Variants in ULK4 observed in about 807,000 individuals in gnomAD.
ULK4 encodes the protein inactive serine/threonine-protein kinase ULK4.
In ULK4, 133 loss-of-function variants were observed where a neutral mutation model predicts 160.6. The ratio of observed to expected loss-of-function variants is 0.83; its 90% CI spans 0.72 to 0.96. The LOEUF (loss-of-function observed/expected upper bound fraction) is 0.96, where lower values mean the gene tolerates loss of function less well. ULK4 is among the 40% of genes least tolerant of loss of function. ULK4 has a pLI of 0.00. For synonymous variants in ULK4, 534 were observed against 539.8 expected (o/e 0.99, Z 0.15); for missense variants, 1,580 against 1,499.5 (o/e 1.05, Z -0.89).
chr3:41,311,196 C>G lies in ULK4; in HGVS notation c.3679-61622G>C, dbSNP rs528447714. On this transcript the variant is annotated intron_variant, in intron 35 of 36. Transcript: ENST00000301831. ...TTAATGGACATTATCATGGTTAATA[C>G]TGAGTGTCAACTTGATTGGATTGAA... 3.9e-5 allele frequency among the ~76,000 whole-genome samples: 6 copies of G among 152,210 alleles called. No individual in the cohort carries two copies. In the East Asian group the frequency reaches 7.7e-4, roughly 20 times the overall value.
chr3:41,893,025 G>T (rs1280599928), intron 16 of ULK4, among the ~76,000 whole-genome samples: 1 of 152,206 alleles, frequency 6.6e-6, no homozygotes, highest in East Asian at 1.9e-4. Flanking sequence ...TTTCTGTGCT[G>T]TGAGCAACAG....
At chr3:41,862,366 CCTATCT>C (rs1284991817) in intron 17 of ULK4, among the ~76,000 whole-genome samples, 1 of 150,628 alleles carries the variant, frequency 6.6e-6, no homozygotes, top group African/African-American at 2.5e-5. Flanking sequence ...TGAAAGGTCA[CCTATCT>C]CTGTTTCTCC....
chr3:41,299,504 C>T (rs552191227), intron 35 of ULK4, among the ~76,000 whole-genome samples: 17 of 152,316 alleles, frequency 1.1e-4, no homozygotes, highest in Non-Finnish European at 2.4e-4. Context: ...AAGAGGCTTC[C>T]TGGCAGTGCC....
intron 34 of ULK4, among the ~76,000 whole-genome samples, chr3:41,453,296 C>T (rs967531845): frequency 1.3e-5 from 2 of 152,174 alleles, no homozygotes; most frequent in Non-Finnish European, 1.5e-5. Context: ...AAGCCTCAGC[C>T]TCCCAAGTAG....
rs2088218014 is a variant in ULK4, at chr3:41,577,124, C to T, written c.3121-10994G>A. On this transcript the variant is annotated intron_variant, in intron 31 of 36. Coordinates refer to ENST00000301831, the MANE Select transcript of ULK4 (RefSeq NM_017886.4). The stretch of plus-strand genomic sequence containing the variant: ...AGTAAATCCTGCAGGAAAAATATTT[C>T]AGTGGGAATTGACTGGAAGATTATT... 2.0e-5 allele frequency among the ~76,000 whole-genome samples: 3 copies of T among 152,048 alleles called. No homozygotes were observed. The South Asian group carries it at 6.2e-4, about 32-fold the overall frequency.
At chr3:41,845,759 G>A (rs564695293) in intron 17 of ULK4, among the ~76,000 whole-genome samples, 4 of 152,092 alleles carry the variant, frequency 2.6e-5, no homozygotes, top group African/African-American at 9.6e-5. Flanking sequence ...ATATAGTTTT[G>A]ATATTTGTCC....
chr3:41,490,700 A>AT (rs2084723576), intron 32 of ULK4, among the ~76,000 whole-genome samples: 1 of 152,216 alleles, frequency 6.6e-6, no homozygotes, highest in African/African-American at 2.4e-5. Flanking sequence ...ACCGAGCAAG[A>AT]TGCTTCTTGA....
intron 34 of ULK4, among the ~76,000 whole-genome samples, chr3:41,446,823 T>C (rs1005997956): frequency 6.6e-6 from 1 of 151,706 alleles, no homozygotes; most frequent in Non-Finnish European, 1.5e-5. Context: ...CACATGTATA[T>C]ATATGTAACA....
chr3:41,793,842 T>C (rs2040218286), intron 20 of ULK4, among the ~76,000 whole-genome samples: 1 of 152,194 alleles, frequency 6.6e-6, no homozygotes, highest in African/African-American at 2.4e-5. Context: ...GTCCACTCCT[T>C]CCAACTACCA....
intron 34 of ULK4, among the ~76,000 whole-genome samples, chr3:41,424,851 A>G (rs867085898): frequency 1.3e-4 from 19 of 151,482 alleles, no homozygotes; most frequent in African/African-American, 3.6e-4. Flanking sequence ...AAAAAAAAAA[A>G]AAAGGCTGAA....
intron 32 of ULK4, among the ~76,000 whole-genome samples, chr3:41,523,021 G>A (rs148197727): frequency 6.6e-6 from 1 of 152,180 alleles, no homozygotes; most frequent in African/African-American, 2.4e-5. Context: ...AAGCGATTCT[G>A]CCTCAGCCTC....
At chr3:41,617,163 T>G (rs1699296858) in intron 30 of ULK4, among the ~76,000 whole-genome samples, 1 of 152,196 alleles carries the variant, frequency 6.6e-6, no homozygotes, top group African/African-American at 2.4e-5. Flanking sequence ...AAGGGGCAGC[T>G]GTGGGTACAG....
chr3:41,826,208 C>T (rs138386741), intron 18 of ULK4, among the ~76,000 whole-genome samples: 18 of 152,264 alleles, frequency 1.2e-4, no homozygotes, highest in African/African-American at 3.9e-4. Flanking sequence ...AAAAACATGC[C>T]AAATTGTAAA....
At chr3:41,557,200 A>C (rs2087330243) in intron 32 of ULK4, among the ~76,000 whole-genome samples, 1 of 152,100 alleles carries the variant, frequency 6.6e-6, no homozygotes, top group Non-Finnish European at 1.5e-5. Flanking sequence ...AAATAAAAAT[A>C]AAATTAAAAT....
intron 30 of ULK4, among the ~76,000 whole-genome samples, chr3:41,639,181 G>A (rs990560055): frequency 2.8e-4 from 43 of 152,106 alleles, no homozygotes; most frequent in Non-Finnish European, 5.9e-4. Flanking sequence ...GCAAATAACA[G>A]TTTCTGAATT....
chr3:41,590,048 G>C (rs1559416955), intron 31 of ULK4, among the ~76,000 whole-genome samples: 3 of 151,722 alleles, frequency 2.0e-5, no homozygotes, highest in Non-Finnish European at 1.5e-5. Flanking sequence ...TGTCACCCAG[G>C]CTGGAGTACA....
At chr3:41,392,690 T>C (rs1048201671) in intron 35 of ULK4, among the ~76,000 whole-genome samples, 2 of 152,102 alleles carry the variant, frequency 1.3e-5, no homozygotes, top group African/African-American at 4.8e-5. Context: ...ATACTCTTCT[T>C]TTTAGATGTG....
At chr3:41,518,073 C>G (rs930112729) in intron 32 of ULK4, among the ~76,000 whole-genome samples, 1 of 152,096 alleles carries the variant, frequency 6.6e-6, no homozygotes, top group African/African-American at 2.4e-5. Context: ...TATTAGGAGG[C>G]AGGAGAAGAC....
chr3:41,289,454 C>A (rs1402196233), intron 35 of ULK4, among the ~76,000 whole-genome samples: 1 of 152,208 alleles, frequency 6.6e-6, no homozygotes, highest in African/African-American at 2.4e-5. Context: ...GCAGTTCTCT[C>A]AGAAATAGAG....
Sources: gnomAD v4.1 joint callset for allele counts (sites outside exome capture counted in the v4.1 genomes callset) on GRCh38, gnomAD v4.1.1 for gene constraint, MANE v1.5 for transcripts, NCBI Gene and HGNC (gene_info 2026-07-23, HGNC 2026-07-21) for gene names.